The following FAHD2B variants were observed in gnomAD, a reference collection of about 807,000 sequenced individuals.
FAHD2B encodes the protein oxaloacetate tautomerase FAHD2B, mitochondrial.
FAHD2B carries 26 observed loss-of-function variants against 33.7 expected under a neutral mutation model. The ratio of observed to expected loss-of-function variants is 0.77; its 90% CI spans 0.57 to 1.07. The LOEUF is 1.07. Ranked by LOEUF, FAHD2B falls within the 50% of genes least tolerant of loss-of-function variation. FAHD2B has a pLI of 0.00. For synonymous variants in FAHD2B, 108 were observed against 150.9 expected (o/e 0.72, Z 2.08); for missense variants, 272 against 388.1 (o/e 0.70, Z 2.51).
chr2:97,094,092 G>A (rs1385305023), intron 1 of FAHD2B, among the ~76,000 whole-genome samples: 1 of 152,058 alleles, frequency 6.6e-6, no homozygotes, highest in South Asian at 2.1e-4. Flanking sequence ...GAGAAGTAGG[G>A]ACCTCCCACA....
At chr2:97,082,733 C>T, downstream of FAHD2B, 6 of 1,577,236 alleles carry the variant, frequency 3.8e-6, no homozygotes, top group Non-Finnish European at 8.7e-7. Context: ...GCCATCAGTG[C>T]TATCTGGACC....
Position 97,094,853 on chromosome 2 carries a change from G to C in FAHD2B, c.-285C>G, listed in dbSNP as rs2032565351. ...CGGCGAAGTCACTGCCGCTCGGTGC[G>C]CACTCCAGCGAGAAGCGGGCGCGTC... On this transcript the variant is annotated 5_prime_UTR_variant, in exon 1 of 9. Transcript: ENST00000414820. The C allele has an allele frequency of 7.6e-6, 1 of 132,194 alleles. No individual in the cohort carries two copies. The highest frequency in any genetic ancestry group is 2.9e-5 in the African/African-American group (1 of 34,042). The allele number at this position is 132,194 out of a possible 1,614,324, so 8.2% of individuals were successfully genotyped here. A position where few individuals can be genotyped will look rare whatever the true frequency, so the allele number is the denominator to read the frequency against.
chr2:97,080,046 G>C (rs745784817), downstream of FAHD2B, among the ~76,000 whole-genome samples: 1 of 152,084 alleles, frequency 6.6e-6, no homozygotes, highest in Non-Finnish European at 1.5e-5. Context: ...TAGGTTGTCT[G>C]TTTACTCTGC....
At chr2:97,079,092 C>T (rs536657068), downstream of FAHD2B, among the ~76,000 whole-genome samples, 147 of 152,192 alleles carry the variant, frequency 9.7e-4, no homozygotes, top group African/African-American at 3.2e-3. Context: ...CTGCAAAGGT[C>T]GTGATCTTAT....
Position 97,090,261 on chromosome 2 carries a change from A to C in FAHD2B, c.310T>G (p.Trp104Gly), listed in dbSNP as rs372245314. 1.9e-6 allele frequency: 3 copies of C among 1,613,082 alleles called. No homozygotes were observed. The East Asian group carries it at 6.7e-5, about 36-fold the overall frequency. The stretch of plus-strand genomic sequence containing the variant: ...CCCACACACACCACCTTATCTGGCC[A>C]TGTGACTGGAGCCAGGAAGGTTACC... ...SEVTFLAPVT[W>G]PDKVVCVGMN... Residue 104 changes from tryptophan to glycine, a missense_variant, in exon 4 of 9, where the codon TGG becomes GGG. Physicochemically the swap from Trp to Gly is radical, Grantham distance 184. Coordinates refer to ENST00000414820, the MANE Select transcript of FAHD2B (RefSeq NM_001320848.2).
chr2:97,080,290 A>G (rs1231751191), downstream of FAHD2B, among the ~76,000 whole-genome samples: 1 of 152,066 alleles, frequency 6.6e-6, no homozygotes. Context: ...GCTGGAGTCC[A>G]GTTTCAATTT....
downstream of FAHD2B, among the ~76,000 whole-genome samples, chr2:97,078,953 C>T (rs1389897836): frequency 6.6e-6 from 1 of 151,976 alleles, no homozygotes; most frequent in African/African-American, 2.4e-5. Flanking sequence ...TGCATTGTTC[C>T]TTTCTTTGCG....
At chr2:97,093,635 C>CGGCTAATTTTTGTATTTT (rs1559141922) in intron 1 of FAHD2B, among the ~76,000 whole-genome samples, 1 of 151,914 alleles carries the variant, frequency 6.6e-6, no homozygotes, top group African/African-American at 2.4e-5. Context: ...CCGCCACGCC[C>CGGCTAATTTTTGTATTTT]GGCTAATTTT....
At chr2:97,086,711 A>G (rs987356745) in intron 4 of FAHD2B, 2 of 154,776 alleles carry the variant, frequency 1.3e-5, no homozygotes, top group Non-Finnish European at 2.9e-5. Context: ...AATACACTAT[A>G]AAATAGATAT....
chr2:97,087,565 G>A (rs2032072328), intron 4 of FAHD2B, among the ~76,000 whole-genome samples: 1 of 151,940 alleles, frequency 6.6e-6, no homozygotes, highest in Non-Finnish European at 1.5e-5. Flanking sequence ...CAGGTGTGGT[G>A]GTGCATCCCT....
chr2:97,090,769 A>G (rs2032291920), intron 3 of FAHD2B, among the ~76,000 whole-genome samples: 1 of 151,036 alleles, frequency 6.6e-6, no homozygotes, highest in Admixed American at 6.6e-5. Context: ...TGTCCTCTTT[A>G]TTTCTTGTGG....
intron 4 of FAHD2B, among the ~76,000 whole-genome samples, chr2:97,088,967 C>T (rs1168569479): frequency 6.6e-6 from 1 of 152,068 alleles, no homozygotes; most frequent in African/African-American, 2.4e-5. Flanking sequence ...AAAGCAAATA[C>T]AGCAAATGTC....
At chr2:97,080,302 C>T (rs145056791), downstream of FAHD2B, among the ~76,000 whole-genome samples, 588 of 152,172 alleles carry the variant, frequency 3.9e-3, 18 homozygotes, top group East Asian at 0.061. Context: ...TTTCAATTTG[C>T]ACATATGGCT....
chr2:97,089,876 A>G, intron 4 of FAHD2B: 1 of 611,834 alleles, frequency 1.6e-6, no homozygotes, highest in Non-Finnish European at 2.9e-6. Context: ...CGTAATTTTT[A>G]AATGTTTATC....
rs1413968992 is a variant in FAHD2B at position 97,094,847 on chromosome 2, C to T, written c.-279G>A. The T allele has an allele frequency of 2.3e-5, 3 of 131,474 alleles. No homozygotes were observed. The highest frequency in any genetic ancestry group is 7.9e-5 in the Admixed American group (1 of 12,696). The allele number at this position is 131,474 out of a possible 1,614,324, so 8.1% of individuals were successfully genotyped here. ...CAGCAGCGGCGAAGTCACTGCCGCTCGGTGCGCACTCCAGCGAGAAGCGGG... is the reference window on the plus strand; with the variant it reads ...CAGCAGCGGCGAAGTCACTGCCGCTTGGTGCGCACTCCAGCGAGAAGCGGG... On this transcript the variant is annotated 5_prime_UTR_variant, in exon 1 of 9. Transcript: ENST00000414820.
downstream of FAHD2B, chr2:97,083,042 G>A: frequency 8.1e-7 from 1 of 1,241,226 alleles, no homozygotes; most frequent in Admixed American, 2.9e-5. Flanking sequence ...TAAGGGGCCA[G>A]AGGTCTCAAG....
intron 4 of FAHD2B, chr2:97,089,754 G>C (rs1281085697): frequency 4.5e-6 from 1 of 222,250 alleles, no homozygotes; most frequent in African/African-American, 2.3e-5. Flanking sequence ...GGAGTCTTAA[G>C]TAAAAGGTAA....
chr2:97,079,577 G>T (rs2031578431), downstream of FAHD2B, among the ~76,000 whole-genome samples: 1 of 151,786 alleles, frequency 6.6e-6, no homozygotes, highest in Non-Finnish European at 1.5e-5. Flanking sequence ...GTCTTCTTTT[G>T]AAAAGTGTCT....
intron 6 of FAHD2B, 122 bp downstream of exon 6, chr2:97,085,577 G>C (rs1399821129): frequency 6.9e-7 from 1 of 1,456,196 alleles, no homozygotes; most frequent in African/African-American, 1.4e-5. Context: ...CCTGTATGGA[G>C]TCAGCAGTCA....
Sources: allele counts gnomAD v4.1 joint callset (sites outside exome capture counted in the v4.1 genomes callset), GRCh38; gene constraint gnomAD v4.1.1; transcripts MANE v1.5; gene names NCBI Gene and HGNC (gene_info 2026-07-23, HGNC 2026-07-21).